ESRRB: variants seen among roughly 807,000 people sequenced by gnomAD.
ESRRB encodes the protein steroid hormone receptor ERR2.
Under a neutral mutation model 46.0 loss-of-function variants are expected in ESRRB, and 16 were observed. That is an observed-to-expected ratio of 0.35 (90% CI 0.24 to 0.53). ESRRB has a LOEUF of 0.53. ESRRB is among the 20% of genes least tolerant of loss of function. The pLI, the probability that ESRRB is intolerant of heterozygous loss-of-function variation, is 0.93. For synonymous variants in ESRRB, 246 were observed against 259.6 expected (o/e 0.95, Z 0.50); for missense variants, 488 against 607.4 (o/e 0.80, Z 2.07).
In ESRRB at chr14:76,498,941, C is replaced by T; in HGVS notation, c.*483C>T. On this transcript the variant is annotated 3_prime_UTR_variant, in exon 7 of 7. Coordinates refer to ENST00000644823, the MANE Select transcript of ESRRB (RefSeq NM_001379180.1). Reference sequence around the variant, plus strand: ...CGCAAGGGACAACAGTATCTTTCTTCCAGAGGTCCTACCTGCTCTGAGATC... The same window carrying T: ...CGCAAGGGACAACAGTATCTTTCTTTCAGAGGTCCTACCTGCTCTGAGATC... 2.1e-6 allele frequency: 1 copy of T among 485,852 alleles called. No homozygotes were observed. Among genetic ancestry groups the T allele is most frequent in the South Asian group, 1.6e-5 (1 of 63,478 alleles). The allele number at this position is 485,852 out of a possible 1,614,324, so 30.1% of individuals were successfully genotyped here.
In ESRRB at chr14:76,345,447, A is replaced by G. The variant is rs1025347873; in HGVS notation, c.2+34531A>G. ...GCCAACAAACATGAAAAAATGCTCA[A>G]CATCACTAAAGATCAGGGAAATGCA... On this transcript the variant is annotated intron_variant, in intron 1 of 6. Coordinates refer to the ESRRB transcript ENST00000512784. Among the ~76,000 whole-genome samples the G allele has an allele frequency of 6.6e-5, 10 of 152,254 alleles. No individual in the cohort carries two copies. The South Asian group carries it at 1.2e-3, about 19-fold the overall frequency.
intron 1 of ESRRB, among the ~76,000 whole-genome samples, chr14:76,437,796 T>A (rs1887737669): frequency 6.6e-6 from 1 of 152,164 alleles, no homozygotes; most frequent in African/African-American, 2.4e-5. Context: ...CTTGTCCATG[T>A]TGAGAGAAGA....
At chr14:76,387,115 G>C (rs908893396) in intron 1 of ESRRB, among the ~76,000 whole-genome samples, 1 of 152,170 alleles carries the variant, frequency 6.6e-6, no homozygotes, top group Non-Finnish European at 1.5e-5. Flanking sequence ...AGGGGAAGCA[G>C]CCCAAATCAG....
chr14:76,412,893 A>C (rs754155109), intron 1 of ESRRB, among the ~76,000 whole-genome samples: 1 of 152,172 alleles, frequency 6.6e-6, no homozygotes, highest in East Asian at 1.9e-4. Context: ...GGGCAGGAGG[A>C]TCACTTGAAC....
intron 1 of ESRRB, among the ~76,000 whole-genome samples, chr14:76,402,798 AGCTGGGACTACAG>A (rs1886000293): frequency 6.6e-6 from 1 of 152,170 alleles, no homozygotes; most frequent in Non-Finnish European, 1.5e-5. Context: ...CCTCCTAAGT[AGCTGGGACTACAG>A]GCATGACATC....
chr14:76,327,292 C>T (rs1883942128), intron 1 of ESRRB, among the ~76,000 whole-genome samples: 1 of 152,214 alleles, frequency 6.6e-6, no homozygotes, highest in Admixed American at 6.5e-5. Context: ...TGGCCAGCTT[C>T]CCCATTTCTC....
chr14:76,340,298 C>T (rs957337223), intron 1 of ESRRB, among the ~76,000 whole-genome samples: 8 of 152,236 alleles, frequency 5.3e-5, no homozygotes, highest in Non-Finnish European at 1.2e-4. Flanking sequence ...AGGAGACGGA[C>T]AGATGTGAGC....
chr14:76,454,914 A>C (rs766120692), intron 2 of ESRRB, among the ~76,000 whole-genome samples: 111 of 152,304 alleles, frequency 7.3e-4, no homozygotes, highest in Middle Eastern at 6.8e-3. Context: ...AATCCCAGCA[A>C]TTTGGGAGGC....
At chr14:76,324,583 T>C (rs1044368275) in intron 1 of ESRRB, among the ~76,000 whole-genome samples, 3 of 152,140 alleles carry the variant, frequency 2.0e-5, no homozygotes, top group Non-Finnish European at 4.4e-5. Context: ...GTAGAACTCA[T>C]CAAAGAGAAC....
intron 1 of ESRRB, among the ~76,000 whole-genome samples, chr14:76,429,582 C>T (rs978622110): frequency 1.3e-5 from 2 of 152,028 alleles, no homozygotes; most frequent in African/African-American, 4.8e-5. Context: ...GAAACCCCGT[C>T]TCTACTAAAA....
At chr14:76,428,061 C>T (rs1413241160) in intron 1 of ESRRB, among the ~76,000 whole-genome samples, 1 of 152,156 alleles carries the variant, frequency 6.6e-6, no homozygotes, top group Non-Finnish European at 1.5e-5. Context: ...TGCAATGGCG[C>T]AATCTTGGCT....
intron 5 of ESRRB, among the ~76,000 whole-genome samples, chr14:76,485,836 A>G (rs975286044): frequency 2.0e-5 from 3 of 152,106 alleles, no homozygotes; most frequent in Admixed American, 6.5e-5. Flanking sequence ...GTGTCCTTAA[A>G]CGCAAGGTAC....
At chr14:76,367,122 G>T (rs1884531161), upstream of ESRRB, among the ~76,000 whole-genome samples, 1 of 152,140 alleles carries the variant, frequency 6.6e-6, no homozygotes, top group African/African-American at 2.4e-5. Flanking sequence ...AGGGAATGGA[G>T]GTGGTGGCAA....
chr14:76,376,370 C>T lies in ESRRB; in HGVS notation c.-32C>T, dbSNP rs1884766811. On this transcript the variant is annotated 5_prime_UTR_variant, in exon 1 of 7. Coordinates refer to ENST00000644823, the MANE Select transcript of ESRRB (RefSeq NM_001379180.1). The surrounding 1 kb of genome is among the most constrained non-coding windows in gnomAD (Gnocchi z 4.1). The stretch of plus-strand genomic sequence containing the variant: ...TCCGCGTGATTTCCCCGCCGTCTTT[C>T]TCTACCAACTGGGAATGCTAAAACG... 8.1e-7 allele frequency: 1 copy of T among 1,230,064 alleles called. No individual in the cohort carries two copies. Among genetic ancestry groups the T allele is most frequent in the African/African-American group, 1.6e-5 (1 of 64,382 alleles). The allele number at this position is 1,230,064 out of a possible 1,614,324, so 76.2% of individuals were successfully genotyped here. A position where few individuals can be genotyped will look rare whatever the true frequency, so the allele number is the denominator to read the frequency against.
intron 5 of ESRRB, among the ~76,000 whole-genome samples, chr14:76,489,793 G>C (rs1890152673): frequency 6.6e-6 from 1 of 152,152 alleles, no homozygotes; most frequent in Non-Finnish European, 1.5e-5. Context: ...GCAGATGGAT[G>C]GGGGAGACCA....
At chr14:76,407,688 T>C in intron 1 of ESRRB, 1 of 733,676 alleles carries the variant, frequency 1.4e-6, no homozygotes, top group Non-Finnish European at 1.7e-6. Context: ...CAGACCATGC[T>C]GTCTTGTGGG....
At chr14:76,367,577 C>T (rs1018967979), upstream of ESRRB, among the ~76,000 whole-genome samples, 28 of 151,016 alleles carry the variant, frequency 1.9e-4, no homozygotes, top group African/African-American at 5.9e-4. Context: ...AAAAAAATCA[C>T]GCCACGAAGC....
intron 1 of ESRRB, among the ~76,000 whole-genome samples, chr14:76,341,121 TCTCTTG>T (rs1884186742): frequency 6.6e-6 from 1 of 152,148 alleles, no homozygotes; most frequent in South Asian, 2.1e-4. Context: ...AATGGGATTT[TCTCTTG>T]CTCCTTCCTG....
chr14:76,460,290 C>T (rs1428851866), intron 2 of ESRRB, among the ~76,000 whole-genome samples: 1 of 152,238 alleles, frequency 6.6e-6, no homozygotes, highest in African/African-American at 2.4e-5. Flanking sequence ...TTTCCCCATC[C>T]TCCTTGTGAG....
Sources: gnomAD v4.1 joint callset for allele counts (sites outside exome capture counted in the v4.1 genomes callset) on GRCh38, gnomAD v4.1.1 for gene constraint, Gnocchi (gnomAD v3.1) non-coding constraint, MANE v1.5 for transcripts, NCBI Gene and HGNC (gene_info 2026-07-23, HGNC 2026-07-21) for gene names.